Variants in CNOT1 observed in about 807,000 individuals in gnomAD.
CNOT1 encodes CCR4-NOT transcription complex subunit 1, also known as CCR4-associated factor 1.
Under a neutral mutation model 273.8 loss-of-function variants are expected in CNOT1, and 15 were observed. The observed-to-expected ratio is 0.05, with a 90% CI of 0.04 to 0.08. CNOT1 has a LOEUF of 0.08. Among genes scored for constraint, CNOT1 ranks in the 10% least tolerant of loss-of-function variants. The pLI, the probability that CNOT1 is intolerant of heterozygous loss-of-function variation, is 1.00. For missense variants in CNOT1, 1,644 were observed against 2,912.2 expected (o/e 0.56, Z 10.02); for synonymous variants, 1,022 against 1,005.5 (o/e 1.02, Z -0.31).
At chr16:58,563,961 A>G (rs2151948367) in intron 16 of CNOT1, among the ~76,000 whole-genome samples, 1 of 152,338 alleles carries the variant, frequency 6.6e-6, no homozygotes, top group South Asian at 2.1e-4. Context: ...AAACAATGCA[A>G]ATTTCCACCA....
chr16:58,522,613 G>A (rs559491309), intron 47 of CNOT1, among the ~76,000 whole-genome samples: 1 of 152,202 alleles, frequency 6.6e-6, no homozygotes, highest in South Asian at 2.1e-4. Flanking sequence ...AGGCAATCTG[G>A]CAACAGATTC....
intron 22 of CNOT1, among the ~76,000 whole-genome samples, chr16:58,552,468 T>C (rs1032237524): frequency 2.6e-5 from 4 of 152,310 alleles, no homozygotes; most frequent in Admixed American, 2.0e-4. Context: ...CTGGCTATCT[T>C]GCTACAGTGG....
At chr16:58,521,440 A>G in intron 47 of CNOT1, 123 bp from the exon 48 acceptor site, 1 of 927,422 alleles carries the variant, frequency 1.1e-6, no homozygotes, top group Non-Finnish European at 1.6e-6. Context: ...TTTCACCTTT[A>G]GTAAAGACAG....
chr16:58,546,480 T>C lies in CNOT1; in HGVS notation c.3847A>G (p.Ile1283Val). ...HDLKLNLKFEIEVLCKNLALD... is the reference protein window; with the variant it reads ...HDLKLNLKFEVEVLCKNLALD... ...GCAAGGTTCTTGCAGAGAACCTCGA[T>C]TTCAAACTTCAAGTTTAACTGCACA... Residue 1283 changes from isoleucine to valine, a missense_variant, in exon 29 of 49, where the codon ATC (isoleucine) becomes GTC (valine). Transcript: ENST00000317147. The C allele has an allele frequency of 1.2e-6, 2 of 1,613,468 alleles. No individual in the cohort carries two copies. The highest frequency in any genetic ancestry group is 1.7e-6 in the Non-Finnish European group (2 of 1,179,830).
At chr16:58,526,817 CAAAAAAAAAAAA>C (rs58419483) in intron 44 of CNOT1, among the ~76,000 whole-genome samples, 1 of 88,130 alleles carries the variant, frequency 1.1e-5, no homozygotes. Flanking sequence ...AACTCCGTCT[CAAAAAAAAAAAA>C]AAAAAAAAAA....
intron 2 of CNOT1, among the ~76,000 whole-genome samples, chr16:58,591,936 T>G (rs1208806395): frequency 6.6e-6 from 1 of 152,080 alleles, no homozygotes; most frequent in Non-Finnish European, 1.5e-5. Flanking sequence ...ATAGACTTAT[T>G]TGCTAATGTC....
chr16:58,527,566 A>G (rs1002107127), intron 44 of CNOT1, among the ~76,000 whole-genome samples: 1 of 152,040 alleles, frequency 6.6e-6, no homozygotes, highest in African/African-American at 2.4e-5. Flanking sequence ...ATAATACAAC[A>G]ATAAAAAACA....
intron 2 of CNOT1, among the ~76,000 whole-genome samples, chr16:58,596,501 G>A (rs2042253318): frequency 6.6e-6 from 1 of 152,092 alleles, no homozygotes; most frequent in Non-Finnish European, 1.5e-5. Flanking sequence ...TTCCAGCAAG[G>A]TAGGAAAAAA....
rs143344926 is a variant in CNOT1, at chr16:58,545,177, T to C, written c.4137+184A>G. 2.0e-3 allele frequency among the ~76,000 whole-genome samples: 310 copies of C among 152,352 alleles called. 1 individual carries two copies. Among genetic ancestry groups the C allele is most frequent in the African/African-American group, 7.3e-3 (303 of 41,572 alleles). ...ATATAACTAACATCTAGTCACTCTATCTCTTAAGGGAAGAAGAACAATCCC... is the reference window on the plus strand; with the variant it reads ...ATATAACTAACATCTAGTCACTCTACCTCTTAAGGGAAGAAGAACAATCCC... On this transcript the variant is annotated intron_variant, in intron 30 of 48. Coordinates refer to ENST00000317147, the MANE Select transcript of CNOT1 (RefSeq NM_016284.5).
intron 1 of CNOT1, among the ~76,000 whole-genome samples, chr16:58,602,657 G>T (rs1249165248): frequency 1.3e-5 from 2 of 150,374 alleles, no homozygotes; most frequent in African/African-American, 4.9e-5. Context: ...CTTAAACCCA[G>T]GAGGTGGAGG....
Position 58,538,911 on chromosome 16 carries a change from C to A in CNOT1, c.4996G>T (p.Val1666Leu). 6.2e-7 allele frequency: 1 copy of A among 1,609,574 alleles called. No homozygotes were observed. Among genetic ancestry groups the A allele is most frequent in the South Asian group, 1.1e-5 (1 of 90,736 alleles). Reference sequence around the variant, plus strand: ...CTTGTGGCATCTAGTAAGCCCTCTACAGCCTATGGGAGAAAGAAAGCGTTC... The same window carrying A: ...CTTGTGGCATCTAGTAAGCCCTCTAAAGCCTATGGGAGAAAGAAAGCGTTC... ...IAALGLLQKA[V>L]EGLLDATSGA... The change falls in exon 36 of 49, where the codon GTA becomes TTA. Residue 1666 changes from valine to leucine, a missense_variant. This residue lies in a region of CNOT1 where 170 missense variants were observed against 273.1 expected (regional missense o/e 0.62). Coordinates refer to ENST00000317147, the MANE Select transcript of CNOT1 (RefSeq NM_016284.5).
intron 2 of CNOT1, among the ~76,000 whole-genome samples, chr16:58,598,368 A>G (rs1471370396): frequency 6.7e-6 from 1 of 148,254 alleles, no homozygotes; most frequent in Non-Finnish European, 1.5e-5. Context: ...ACTGCACTCC[A>G]GCCTAGGCAG....
intron 23 of CNOT1, 112 bp from the exon 24 acceptor site, chr16:58,551,384 T>C (rs2040443930): frequency 1.6e-6 from 2 of 1,284,380 alleles, no homozygotes; most frequent in East Asian, 2.3e-5. Flanking sequence ...TATGACTGTG[T>C]ATTAGAAATG....
chr16:58,597,647 A>G, intron 2 of CNOT1: 1 of 462,510 alleles, frequency 2.2e-6, no homozygotes, highest in Non-Finnish European at 4.2e-6. Context: ...ATGCTATGCC[A>G]AAGAGGAAAG....
intron 21 of CNOT1, among the ~76,000 whole-genome samples, chr16:58,554,935 C>CAAAA (rs56180546): frequency 1.3e-5 from 1 of 78,902 alleles, no homozygotes; most frequent in African/African-American, 5.0e-5. Flanking sequence ...GACTCCATCT[C>CAAAA]AAAAAAAAAA....
chr16:58,619,685 A>G (rs940935838), intron 1 of CNOT1, among the ~76,000 whole-genome samples: 2 of 152,058 alleles, frequency 1.3e-5, no homozygotes, highest in Admixed American at 6.6e-5. Context: ...CGGCCTCCCA[A>G]AGTGCTGGGA....
At chr16:58,605,434 C>T (rs558440054) in intron 1 of CNOT1, among the ~76,000 whole-genome samples, 1 of 151,332 alleles carries the variant, frequency 6.6e-6, no homozygotes, top group Non-Finnish European at 1.5e-5. Flanking sequence ...ACCCAGGAGG[C>T]GGAGGCTGAA....
chr16:58,572,404 G>A (rs979801446), intron 16 of CNOT1, among the ~76,000 whole-genome samples: 1 of 152,156 alleles, frequency 6.6e-6, no homozygotes, highest in Admixed American at 6.5e-5. Flanking sequence ...GGAGGCCAAA[G>A]TGGTAGGATG....
intron 39 of CNOT1, among the ~76,000 whole-genome samples, chr16:58,535,554 C>G (rs1322646252): frequency 1.3e-5 from 2 of 152,136 alleles, no homozygotes; most frequent in Non-Finnish European, 2.9e-5. Flanking sequence ...TAGCAATGAT[C>G]AGAAAGACCA....
Sources: allele counts gnomAD v4.1 joint callset (sites outside exome capture counted in the v4.1 genomes callset), GRCh38; gene constraint gnomAD v4.1.1; regional missense constraint gnomAD v4.1.1; transcripts MANE v1.5; gene names NCBI Gene and HGNC (gene_info 2026-07-23, HGNC 2026-07-21).